The following E4F1 variants were observed in gnomAD, a reference collection of about 807,000 sequenced individuals.
E4F1 encodes the protein transcription factor E4F1.
E4F1 carries 30 observed loss-of-function variants against 72.9 expected under a neutral mutation model. The ratio of observed to expected loss-of-function variants is 0.41; its 90% CI spans 0.31 to 0.56. The LOEUF (loss-of-function observed/expected upper bound fraction) is 0.56. Ranked by LOEUF, E4F1 falls within the 20% of genes least tolerant of loss-of-function variation. The pLI, the probability that E4F1 is intolerant of heterozygous loss-of-function variation, is 0.25. For synonymous variants in E4F1, 542 were observed against 478.2 expected, an observed-to-expected ratio of 1.13 and a Z score of -1.74; for missense variants, 1,091 against 1,117.5, an observed-to-expected ratio of 0.98 and a Z score of 0.34.
At position 2,235,483 on chromosome 16, in the gene E4F1, T is replaced by C. The variant is rs1804823; in HGVS notation, c.2266T>C (p.Ser756Pro). Residue 756 changes from serine to proline, a missense_variant, in exon 14 of 14, where the codon TCA becomes CCA. Around this residue, in one of 5 missense-constraint regions of E4F1, gnomAD observed 622 missense variants for 628.0 expected, o/e 0.99. Coordinates refer to ENST00000301727, the MANE Select transcript of E4F1 (RefSeq NM_004424.5). Reference protein sequence around the residue: ...TEQATVTMVSSEDIEILEHAG... With the variant: ...TEQATVTMVSPEDIEILEHAG... Reference sequence around the variant, plus strand: ...ACAGGCCACTGTGACCATGGTGTCATCAGAGGACATCGAGATCCTGGAGCA... The same window carrying C: ...ACAGGCCACTGTGACCATGGTGTCACCAGAGGACATCGAGATCCTGGAGCA... 1.1e-5 allele frequency: 17 copies of C among 1,611,526 alleles called. No individual in the cohort carries two copies. Among genetic ancestry groups the C allele is most frequent in the Non-Finnish European group, 1.4e-5 (17 of 1,179,138 alleles).
intron 1 of E4F1, among the ~76,000 whole-genome samples, chr16:2,225,919 C>A (rs896912574): frequency 6.6e-6 from 1 of 151,982 alleles, no homozygotes; most frequent in Non-Finnish European, 1.5e-5. Context: ...CAGGTGAAAC[C>A]CTGTCTTACT....
chr16:2,233,975 AAG>A lies in E4F1; in HGVS notation c.1363_1364del (p.Arg455GlyfsTer33). On this transcript the variant is annotated frameshift_variant, in exon 9 of 14. Transcript: ENST00000301727. LOFTEE classifies it high-confidence loss of function. ...FPTAATLEAH[K>X]RGHTGPRPFA... is the part of the protein sequence containing the mutation. ...GACAGCAGCCACCCTGGAGGCCCAC[AAG>A]AGGGGCCACACCGGTAGGTGATGGG... 6.3e-7 allele frequency: 1 copy of A among 1,595,340 alleles called. No homozygotes were observed. Among genetic ancestry groups the A allele is most frequent in the East Asian group, 2.3e-5 (1 of 43,918 alleles).
Position 2,223,604 on chromosome 16 carries a change from G to A in E4F1, c.-10G>A, listed in dbSNP as rs1354806447. The A allele has an allele frequency of 6.3e-7, 1 of 1,584,676 alleles. No individual in the cohort carries two copies. Among genetic ancestry groups the A allele is most frequent in the Middle Eastern group, 1.9e-4 (1 of 5,338 alleles). On this transcript the variant is annotated 5_prime_UTR_variant, in exon 1 of 14. Transcript: ENST00000301727. ...CGTAAATCCGCCATCTTCCTGCGGC[G>A]CGTTGCGACATGGAGGGCGCGATGG...
chr16:2,234,739 T>C lies in E4F1; in HGVS notation c.1750T>C (p.Phe584Leu). 6.4e-7 allele frequency: 1 copy of C among 1,555,178 alleles called. No homozygotes were observed. Among genetic ancestry groups the C allele is most frequent in the Non-Finnish European group, 8.7e-7 (1 of 1,149,954 alleles). Reference sequence around the variant, plus strand: ...CAAGTGCTACAAGTGCGGCCGTGGCTTCGCCGAGCACGGCACGCTGAACCG... The same window carrying C: ...CAAGTGCTACAAGTGCGGCCGTGGCCTCGCCGAGCACGGCACGCTGAACCG... ...PFKCYKCGRG[F>L]AEHGTLNRHL... Residue 584 changes from phenylalanine to leucine, a missense_variant, in exon 11 of 14, where the codon TTC becomes CTC. Coordinates refer to ENST00000301727, the MANE Select transcript of E4F1 (RefSeq NM_004424.5).
chr16:2,235,616 G>T lies in E4F1; in HGVS notation c.*44G>T, dbSNP rs1421279783. On this transcript the variant is annotated 3_prime_UTR_variant, in exon 14 of 14. Transcript: ENST00000301727. ...CTGGCCGGGCAGGGACAGGGCAGAG[G>T]ACTCTGAGCGCCCCACCCATGCCTG... 1 of 1,498,724 alleles carries T rather than the reference G, an allele frequency of 6.7e-7. No individual in the cohort carries two copies. Among genetic ancestry groups the T allele is most frequent in the South Asian group, 1.3e-5 (1 of 76,690 alleles). 92.8% of individuals were successfully genotyped at this position (1,498,724 alleles called of 1,614,324 possible).
chr16:2,227,441 G>A (rs568666125), intron 1 of E4F1, among the ~76,000 whole-genome samples: 101 of 151,794 alleles, frequency 6.7e-4, no homozygotes, highest in African/African-American at 2.3e-3. Context: ...GTGTGATCTC[G>A]GCTCACTGCA....
In E4F1 at chr16:2,232,261, A is replaced by C. The variant is rs1240003589; in HGVS notation, c.506A>C (p.Gln169Pro). Residue 169 changes from glutamine to proline, a missense_variant, in exon 4 of 14, where the codon CAG becomes CCG. This residue lies in a region of E4F1 where 362 missense variants were observed against 358.6 expected (regional missense o/e 1.01). Coordinates refer to ENST00000301727, the MANE Select transcript of E4F1 (RefSeq NM_004424.5). ...GAGGCCCCGGGCAGCCCCCGCCAGC[A>C]GGGGCTGGGGCTCGCAGGGGAGGGT... ...MAEAPGSPRQQGLGLAGEGEQ... is the reference protein window; with the variant it reads ...MAEAPGSPRQPGLGLAGEGEQ... 2.5e-6 allele frequency: 4 copies of C among 1,612,458 alleles called. No homozygotes were observed. In the Admixed American group the frequency reaches 5.0e-5, roughly 20 times the overall value.
chr16:2,227,234 G>C (rs917515667), intron 1 of E4F1, among the ~76,000 whole-genome samples: 5 of 152,034 alleles, frequency 3.3e-5, no homozygotes, highest in African/African-American at 1.2e-4. Context: ...TTTTGAGATG[G>C]AGTCTCTCTC....
At position 2,223,732 on chromosome 16, in the gene E4F1, G is replaced by C. The variant is rs1324642217; in HGVS notation, c.119G>C (p.Ser40Thr). 2.6e-6 allele frequency: 4 copies of C among 1,543,118 alleles called. No homozygotes were observed. The highest frequency in any genetic ancestry group is 1.7e-6 in the Non-Finnish European group (2 of 1,156,176). Reference sequence around the variant, plus strand: ...GCGGTGGCGGCGGCCTTGGCCCCCAGCGGCTTCCTCGGCCTCCCGGCGCCC... The same window carrying C: ...GCGGTGGCGGCGGCCTTGGCCCCCACCGGCTTCCTCGGCCTCCCGGCGCCC... ...VAAVAAALAP[S>T]GFLGLPAPFS... The change falls in exon 1 of 14, where the codon AGC becomes ACC. Residue 40 changes from serine to threonine, a missense_variant. Physicochemically the swap from Ser to Thr is moderately conservative, Grantham distance 58. This residue lies in a region of E4F1 where 362 missense variants were observed against 358.6 expected (regional missense o/e 1.01). Transcript: ENST00000301727.
At position 2,232,991 on chromosome 16, in the gene E4F1, T is replaced by C; in HGVS notation, c.884-20T>C. 1 of 1,608,932 alleles carries C rather than the reference T, an allele frequency of 6.2e-7. No homozygotes were observed. Among genetic ancestry groups the C allele is most frequent in the South Asian group, 1.1e-5 (1 of 91,014 alleles). On this transcript the variant is annotated intron_variant, in intron 6 of 13. Transcript: ENST00000301727. ...ACTGGGGTGTGTGAGGGATCTTCAC[T>C]CCCTCACTCCACCTTGAAGGTTCTG... is the stretch of plus-strand genomic sequence containing the variant.
In E4F1 at chr16:2,233,044, C is replaced by T. The variant is rs2093478382; in HGVS notation, c.917C>T (p.Ala306Val). ...SGAGAAGLGT[A>V]TSSVTGEPIE... ...GCTGGAGCTGCCGGCTTGGGGACAG[C>T]CACATCATCGGTGACAGGCGAGCCT... The change falls in exon 7 of 14, where the codon GCC becomes GTC. Residue 306 changes from alanine to valine, a missense_variant. By Grantham distance (64) the Ala-to-Val change is moderately conservative. Coordinates refer to ENST00000301727, the MANE Select transcript of E4F1 (RefSeq NM_004424.5). 1 of 1,609,754 alleles carries T rather than the reference C, an allele frequency of 6.2e-7. No individual in the cohort carries two copies. The highest frequency in any genetic ancestry group is 8.5e-7 in the Non-Finnish European group (1 of 1,177,298).
intron 1 of E4F1, 182 bp from the exon 2 acceptor site, chr16:2,228,190 G>T: frequency 2.6e-6 from 2 of 778,440 alleles, no homozygotes; most frequent in Non-Finnish European, 2.2e-6. Flanking sequence ...CAGAGGATAG[G>T]GGCTGTACCT....
chr16:2,223,897 C>T (rs769352548), intron 1 of E4F1, 127 bp downstream of exon 1: 44 of 1,532,120 alleles, frequency 2.9e-5, no homozygotes, highest in Non-Finnish European at 3.6e-5. Context: ...GCGGATCTCG[C>T]GGGACCCTCA....
rs896125988 is a variant in E4F1 at position 2,224,026 on chromosome 16, G to A, written c.157+256G>A. ...GTGCTCGCGGGTTGCTGAGCCCCCG[G>A]GCGCCCGGTGTAGACATTCGCAGAC... On this transcript the variant is annotated intron_variant, in intron 1 of 13. Coordinates refer to ENST00000301727, the MANE Select transcript of E4F1 (RefSeq NM_004424.5). The A allele has an allele frequency of 8.6e-6, 12 of 1,389,678 alleles. No individual in the cohort carries two copies. The East Asian group carries it at 2.3e-4, about 27-fold the overall frequency. 86.1% of individuals were successfully genotyped at this position (1,389,678 alleles called of 1,614,324 possible).
intron 1 of E4F1, among the ~76,000 whole-genome samples, chr16:2,227,591 C>A (rs1457427484): frequency 6.6e-6 from 1 of 152,104 alleles, no homozygotes; most frequent in Non-Finnish European, 1.5e-5. Context: ...CCAGGATGGT[C>A]TCAATCTCCT....
chr16:2,228,050 G>A (rs570828769), intron 1 of E4F1, among the ~76,000 whole-genome samples: 2 of 152,230 alleles, frequency 1.3e-5, no homozygotes, highest in Non-Finnish European at 2.9e-5. Flanking sequence ...TGGGCCTCTC[G>A]CCTGTCAGTC....
intron 1 of E4F1, among the ~76,000 whole-genome samples, chr16:2,227,806 G>A (rs2093441225): frequency 6.9e-6 from 1 of 145,920 alleles, no homozygotes. Context: ...CAGCCTAAAT[G>A]TTTAACAATG....
intron 1 of E4F1, 160 bp from the exon 2 acceptor site, chr16:2,228,212 T>C (rs2093443475): frequency 3.1e-6 from 3 of 953,690 alleles, no homozygotes; most frequent in Non-Finnish European, 4.9e-6. Context: ...GGGATGACCT[T>C]GTTTTGGGCC....
Position 2,223,610 on chromosome 16 carries a change from C to G in E4F1, c.-4C>G, listed in dbSNP as rs765998701. 2 of 1,585,670 alleles carry G rather than the reference C, an allele frequency of 1.3e-6. No individual in the cohort carries two copies. The highest frequency in any genetic ancestry group is 2.2e-5 in the South Asian group (2 of 89,502). ...TCCGCCATCTTCCTGCGGCGCGTTG[C>G]GACATGGAGGGCGCGATGGCAGTGC... is the stretch of plus-strand genomic sequence containing the variant. On this transcript the variant is annotated 5_prime_UTR_variant, in exon 1 of 14. Transcript: ENST00000301727.
Sources: allele counts gnomAD v4.1 joint callset (sites outside exome capture counted in the v4.1 genomes callset), GRCh38; gene constraint gnomAD v4.1.1; regional missense constraint gnomAD v4.1.1; transcripts MANE v1.5; gene names NCBI Gene and HGNC (gene_info 2026-07-23, HGNC 2026-07-21).